The following CSMD1 variants were observed in gnomAD, a reference collection of about 807,000 sequenced individuals.
The protein encoded by CSMD1 is CUB and Sushi multiple domains 1.
In CSMD1, 213 loss-of-function variants were observed where a neutral mutation model predicts 417.5. The ratio of observed to expected loss-of-function variants is 0.51; its 90% CI spans 0.46 to 0.57. CSMD1 has a LOEUF of 0.57. CSMD1 is among the 20% of genes least tolerant of loss of function. The pLI is 0.00. For synonymous variants in CSMD1, 2,862 were observed against 1,736.8 expected, an observed-to-expected ratio of 1.65 and a Z score of -16.11; for missense variants, 6,923 against 4,529.7, an observed-to-expected ratio of 1.53 and a Z score of -15.17.
chr8:4,428,716 G>C (rs912035208), intron 2 of CSMD1, among the ~76,000 whole-genome samples: 4 of 151,980 alleles, frequency 2.6e-5, no homozygotes, highest in Admixed American at 6.6e-5. Flanking sequence ...TGGTTATTTT[G>C]TGTATTATTT....
intron 1 of CSMD1, among the ~76,000 whole-genome samples, chr8:4,715,758 T>C (rs187704833): frequency 8.3e-4 from 127 of 152,254 alleles, no homozygotes; most frequent in South Asian, 2.1e-3. Flanking sequence ...ATCCAACTTG[T>C]CAGCAAATTC....
At chr8:4,304,010 C>T (rs897513303) in intron 3 of CSMD1, among the ~76,000 whole-genome samples, 11 of 152,082 alleles carry the variant, frequency 7.2e-5, no homozygotes, top group Non-Finnish European at 1.3e-4. Flanking sequence ...GTCTAGGAAG[C>T]GTCCATAAAA....
chr8:3,882,063 T>C (rs899954650), intron 5 of CSMD1, among the ~76,000 whole-genome samples: 5 of 152,196 alleles, frequency 3.3e-5, no homozygotes, highest in South Asian at 4.1e-4. Context: ...AAAAAACATA[T>C]CAATAGTCTA....
chr8:4,145,932 G>C (rs750063669), intron 3 of CSMD1, among the ~76,000 whole-genome samples: 1 of 150,924 alleles, frequency 6.6e-6, no homozygotes, highest in Non-Finnish European at 1.5e-5. Flanking sequence ...CCCATTGTTT[G>C]TAAGACTGAC....
chr8:3,894,334 A>AT (rs879672061), intron 5 of CSMD1, among the ~76,000 whole-genome samples: 2 of 152,020 alleles, frequency 1.3e-5, no homozygotes, highest in Non-Finnish European at 2.9e-5. Flanking sequence ...TTTGCTCTGG[A>AT]TTTTTTCTAT....
chr8:4,695,630 C>G (rs1376845852), intron 1 of CSMD1, among the ~76,000 whole-genome samples: 2 of 152,146 alleles, frequency 1.3e-5, no homozygotes, highest in Non-Finnish European at 2.9e-5. Context: ...TCAACATACG[C>G]CACCAAAGAG....
intron 1 of CSMD1, among the ~76,000 whole-genome samples, chr8:4,958,302 T>G (rs1451737803): frequency 6.6e-6 from 1 of 152,236 alleles, no homozygotes; most frequent in Non-Finnish European, 1.5e-5. Flanking sequence ...CAATTTTTTT[T>G]TAACTTTTAC....
At chr8:4,320,454 A>G (rs754052288) in intron 3 of CSMD1, among the ~76,000 whole-genome samples, 24 of 152,162 alleles carry the variant, frequency 1.6e-4, no homozygotes, top group Middle Eastern at 3.4e-3. Flanking sequence ...GGTTTTCTGC[A>G]CCTATCAACC....
At position 3,214,724 on chromosome 8, in the gene CSMD1, G is replaced by A. The variant is rs375412570; in HGVS notation, c.4673-33C>T. 52 of 1,494,582 alleles carry A rather than the reference G, an allele frequency of 3.5e-5. No individual in the cohort carries two copies. In the East Asian group the frequency reaches 1.2e-3, roughly 35 times the overall value. The allele number at this position is 1,494,582 out of a possible 1,614,324, so 92.6% of individuals were successfully genotyped here. A position where few individuals can be genotyped will look rare whatever the true frequency, so the allele number is the denominator to read the frequency against. Reference sequence around the variant, plus strand: ...AGAAATGAATGTAAACTGCATGAGAGCAGGGATCTTATTCTTGTTTGTGTT... The same window carrying A: ...AGAAATGAATGTAAACTGCATGAGAACAGGGATCTTATTCTTGTTTGTGTT... On this transcript the variant is annotated intron_variant, in intron 29 of 69. Coordinates refer to ENST00000635120, the MANE Select transcript of CSMD1 (RefSeq NM_033225.6).
intron 1 of CSMD1, among the ~76,000 whole-genome samples, chr8:4,746,036 TTGAG>T (rs1263257697): frequency 6.6e-6 from 1 of 152,208 alleles, no homozygotes; most frequent in East Asian, 1.9e-4. Context: ...TATTATGAAA[TTGAG>T]TTTTTATTAA....
chr8:4,985,362 G>C (rs1040155824), intron 1 of CSMD1, among the ~76,000 whole-genome samples: 17 of 68,144 alleles, frequency 2.5e-4, no homozygotes, highest in Admixed American at 1.5e-3. Context: ...ATCTGCCCTG[G>C]AACTTAAAAG....
chr8:4,030,601 G>T (rs1483164142), intron 4 of CSMD1, among the ~76,000 whole-genome samples: 3 of 152,174 alleles, frequency 2.0e-5, no homozygotes, highest in African/African-American at 7.2e-5. Flanking sequence ...GCCTGTGATG[G>T]GAGGGGTTGC....
At chr8:3,017,570 A>T (rs142547728) in intron 52 of CSMD1, among the ~76,000 whole-genome samples, 70 of 152,088 alleles carry the variant, frequency 4.6e-4, no homozygotes, top group Middle Eastern at 3.4e-3. Flanking sequence ...TCCTGCAGTG[A>T]TTTAAAATAA....
chr8:3,357,675 G>T (rs965926736), intron 21 of CSMD1, among the ~76,000 whole-genome samples: 2 of 152,054 alleles, frequency 1.3e-5, no homozygotes, highest in Non-Finnish European at 2.9e-5. Flanking sequence ...TCATTGAGTT[G>T]GGGGTTTTGT....
At chr8:4,857,481 C>G (rs993888939) in intron 1 of CSMD1, among the ~76,000 whole-genome samples, 77 of 152,044 alleles carry the variant, frequency 5.1e-4, no homozygotes, top group African/African-American at 9.4e-4. Context: ...TCCAGGAGCT[C>G]GTTTTTTGAA....
chr8:4,810,878 G>C (rs1798859082), intron 1 of CSMD1, among the ~76,000 whole-genome samples: 1 of 152,114 alleles, frequency 6.6e-6, no homozygotes, highest in Non-Finnish European at 1.5e-5. Flanking sequence ...AACTGTAACA[G>C]CCTTGTGTCT....
At chr8:3,178,972 G>A (rs1821115923) in intron 37 of CSMD1, among the ~76,000 whole-genome samples, 1 of 147,238 alleles carries the variant, frequency 6.8e-6, no homozygotes, top group Admixed American at 6.8e-5. Context: ...TTTTGAGACG[G>A]AGTCTCACTC....
At chr8:4,088,335 C>T (rs1211244725) in intron 3 of CSMD1, among the ~76,000 whole-genome samples, 2 of 152,208 alleles carry the variant, frequency 1.3e-5, no homozygotes, top group Admixed American at 6.5e-5. Flanking sequence ...ATTTACCATA[C>T]TGGCTTTGCA....
At chr8:4,626,072 C>T (rs1249778082) in intron 2 of CSMD1, among the ~76,000 whole-genome samples, 1 of 152,120 alleles carries the variant, frequency 6.6e-6, no homozygotes, top group Admixed American at 6.5e-5. Flanking sequence ...TAAGAACTGA[C>T]ATTACAATTG....
Sources: allele counts gnomAD v4.1 joint callset (sites outside exome capture counted in the v4.1 genomes callset), GRCh38; gene constraint gnomAD v4.1.1; transcripts MANE v1.5; gene names NCBI Gene and HGNC (gene_info 2026-07-23, HGNC 2026-07-21).